MROH7: variants seen among roughly 807,000 people sequenced by gnomAD.
The protein encoded by MROH7 is maestro heat like repeat family member 7.
MROH7 carries 113 observed loss-of-function variants against 129.2 expected under a neutral mutation model. That is an observed-to-expected ratio of 0.87 (90% CI 0.75 to 1.02). The LOEUF is 1.02. Among genes scored for constraint, MROH7 ranks in the 50% least tolerant of loss-of-function variants. MROH7 has a pLI of 0.00. For synonymous variants in MROH7, 655 were observed against 667.9 expected, an observed-to-expected ratio of 0.98 and a Z score of 0.30; for missense variants, 1,601 against 1,671.3, an observed-to-expected ratio of 0.96 and a Z score of 0.73.
At chr1:54,663,113 C>G (rs1246542885) in intron 3 of MROH7, among the ~76,000 whole-genome samples, 2 of 152,128 alleles carry the variant, frequency 1.3e-5, no homozygotes, top group Non-Finnish European at 2.9e-5. Context: ...TCAATATTTA[C>G]CCCTTTGTAG....
chr1:54,686,477 C>A, intron 15 of MROH7, 29 bp downstream of exon 15: 1 of 1,596,224 alleles, frequency 6.3e-7, no homozygotes, highest in Non-Finnish European at 8.6e-7. Context: ...CTTGACCCTG[C>A]TGTCCCCGGT....
At chr1:54,680,862 C>T (rs1645058438) in intron 13 of MROH7, among the ~76,000 whole-genome samples, 1 of 152,206 alleles carries the variant, frequency 6.6e-6, no homozygotes, top group Non-Finnish European at 1.5e-5. Flanking sequence ...CCAAGAAGAT[C>T]AGTCAGGATG....
intron 1 of MROH7, among the ~76,000 whole-genome samples, chr1:54,646,467 A>T (rs1422843002): frequency 6.6e-6 from 1 of 152,198 alleles, no homozygotes; most frequent in Non-Finnish European, 1.5e-5. Flanking sequence ...AACTCCAGGG[A>T]ACTCACCATA....
intron 17 of MROH7, chr1:54,697,396 G>A (rs1169070141): frequency 5.2e-6 from 2 of 386,148 alleles, no homozygotes; most frequent in African/African-American, 4.1e-5. Context: ...GCCCCAAGAA[G>A]TGGGGATGGG....
intron 15 of MROH7, among the ~76,000 whole-genome samples, chr1:54,687,584 C>G (rs1645168805): frequency 6.6e-6 from 1 of 152,156 alleles, no homozygotes; most frequent in African/African-American, 2.4e-5. Context: ...ATGGGCACAT[C>G]AAAGGGCTTC....
chr1:54,670,955 C>T (rs753413526), intron 7 of MROH7, 26 bp downstream of exon 7: 2 of 1,572,890 alleles, frequency 1.3e-6, no homozygotes, highest in African/African-American at 2.7e-5. Context: ...CCCAGCAGGG[C>T]CTCAGGGCTG....
At chr1:54,683,636 G>A (rs1457403375) in intron 14 of MROH7, among the ~76,000 whole-genome samples, 1 of 152,136 alleles carries the variant, frequency 6.6e-6, no homozygotes, top group East Asian at 1.9e-4. Flanking sequence ...TACCTGTGGC[G>A]AAGGCCCTGC....
At chr1:54,695,518 C>T (rs763671573) in intron 17 of MROH7, 28 bp downstream of exon 17, 9 of 1,478,638 alleles carry the variant, frequency 6.1e-6, no homozygotes, top group East Asian at 2.3e-5. Context: ...GGGTACACAG[C>T]GGGAGCTCCT....
At chr1:54,687,598 A>G (rs1483025369) in intron 15 of MROH7, among the ~76,000 whole-genome samples, 1 of 152,222 alleles carries the variant, frequency 6.6e-6, no homozygotes, top group Non-Finnish European at 1.5e-5. Context: ...GGGCTTCTGC[A>G]TTACATGTTA....
At chr1:54,665,307 C>G (rs145372615) in intron 4 of MROH7, 67 bp downstream of exon 4, 2 of 1,263,670 alleles carry the variant, frequency 1.6e-6, no homozygotes, top group East Asian at 2.4e-5. Flanking sequence ...CCCCCTACCC[C>G]CCAGCCCAGC....
intron 17 of MROH7, chr1:54,697,368 A>T: frequency 2.9e-6 from 1 of 346,470 alleles, no homozygotes; most frequent in East Asian, 4.4e-5. Flanking sequence ...TTGCACCCCC[A>T]GGTCCAGCTT....
At chr1:54,691,208 G>A (rs6588528) in intron 15 of MROH7, among the ~76,000 whole-genome samples, 32,924 of 152,060 alleles carry the variant, frequency 0.22, 3,867 homozygotes, top group Admixed American at 0.29. Flanking sequence ...TATCATTGAT[G>A]GCACACATTT....
At chr1:54,676,472 C>T (rs1454669082) in intron 10 of MROH7, among the ~76,000 whole-genome samples, 4 of 152,164 alleles carry the variant, frequency 2.6e-5, no homozygotes, top group African/African-American at 7.2e-5. Flanking sequence ...TGCAGTGGCA[C>T]GATCTTGGCT....
intron 3 of MROH7, among the ~76,000 whole-genome samples, chr1:54,654,637 C>T (rs1317732285): frequency 6.6e-6 from 1 of 151,990 alleles, no homozygotes; most frequent in East Asian, 1.9e-4. Flanking sequence ...CTCACCATTG[C>T]ACTCCAGCCT....
At chr1:54,647,312 A>G (rs1472047422) in intron 1 of MROH7, among the ~76,000 whole-genome samples, 1 of 152,132 alleles carries the variant, frequency 6.6e-6, no homozygotes. Flanking sequence ...ATTTTTGTAT[A>G]CAATGTGGGA....
At chr1:54,666,425 A>ATTAT (rs1350658335) in intron 4 of MROH7, among the ~76,000 whole-genome samples, 10 of 69,236 alleles carry the variant, frequency 1.4e-4, no homozygotes, top group South Asian at 6.5e-4. Flanking sequence ...GAGAAGAGGA[A>ATTAT]TTTTTTTTTT....
intron 1 of MROH7, among the ~76,000 whole-genome samples, chr1:54,648,528 G>T (rs2101057098): frequency 6.6e-6 from 1 of 151,584 alleles, no homozygotes; most frequent in East Asian, 2.0e-4. Context: ...ACCATGCCTG[G>T]CTAATTTTTT....
At chr1:54,695,315 C>T in intron 16 of MROH7, 61 bp from the exon 17 acceptor site, 1 of 874,770 alleles carries the variant, frequency 1.1e-6, no homozygotes, top group Non-Finnish European at 1.8e-6. Context: ...AAGCAAATCC[C>T]CCCCACAGGT....
intron 1 of MROH7, among the ~76,000 whole-genome samples, chr1:54,650,385 AC>A (rs1292900905): frequency 6.6e-6 from 1 of 152,214 alleles, no homozygotes; most frequent in African/African-American, 2.4e-5. Flanking sequence ...TAAATGATTC[AC>A]TGAATGAGTT....
Sources: gnomAD v4.1 joint callset for allele counts (sites outside exome capture counted in the v4.1 genomes callset) on GRCh38, gnomAD v4.1.1 for gene constraint, MANE v1.5 for transcripts, NCBI Gene and HGNC (gene_info 2026-07-23, HGNC 2026-07-21) for gene names.